SIGLEC9: variants seen among roughly 807,000 people sequenced by gnomAD.
SIGLEC9 encodes sialic acid binding Ig like lectin 9.
In SIGLEC9, 26 loss-of-function variants were observed where a neutral mutation model predicts 38.3. The observed-to-expected ratio is 0.68, with a 90% confidence interval of 0.50 to 0.94. SIGLEC9 has a LOEUF of 0.94. SIGLEC9 is among the 40% of genes least tolerant of loss of function. The pLI is 0.00. For missense variants in SIGLEC9, 556 were observed against 585.7 expected, an observed-to-expected ratio of 0.95 and a Z score of 0.52; for synonymous variants, 236 against 248.0, an observed-to-expected ratio of 0.95 and a Z score of 0.45.
upstream of SIGLEC9, among the ~76,000 whole-genome samples, chr19:51,123,962 T>C (rs531710723): frequency 2.0e-5 from 3 of 152,188 alleles, no homozygotes; most frequent in South Asian, 6.2e-4. Flanking sequence ...GGGGCTGGTG[T>C]CCTCACTCCA....
chr19:51,134,291 C>T (rs377418856), downstream of SIGLEC9, among the ~76,000 whole-genome samples: 82 of 151,138 alleles, frequency 5.4e-4, 4 homozygotes, highest in South Asian at 8.4e-4. Context: ...ATTACAGGCA[C>T]GGGCCACCAT....
chr19:51,127,681 T>TA, intron 4 of SIGLEC9, among the ~76,000 whole-genome samples: 1 of 151,996 alleles, frequency 6.6e-6, no homozygotes, highest in Non-Finnish European at 1.5e-5. Flanking sequence ...AATAATCTTT[T>TA]AAAAAAAGTA....
downstream of SIGLEC9, among the ~76,000 whole-genome samples, chr19:51,131,590 A>AAAATAAAT (rs1187232159): frequency 1.0e-4 from 15 of 150,660 alleles, no homozygotes; most frequent in Admixed American, 2.0e-4. Context: ...CGTCTCAAAA[A>AAAATAAAT]AAATAAATAA....
Position 51,130,203 on chromosome 19 carries a change from A to C in SIGLEC9, c.*124A>C, listed in dbSNP as rs1186141727. On this transcript the variant is annotated 3_prime_UTR_variant, in exon 7 of 7. Coordinates refer to ENST00000250360, the MANE Select transcript of SIGLEC9 (RefSeq NM_014441.3). ...ATGAGCTATGATAACACTATGAATT[A>C]TGTGCAGAGTGAAAAGCACACAGGC... The C allele has an allele frequency of 7.1e-7, 1 of 1,417,960 alleles. No individual in the cohort carries two copies. The highest frequency in any genetic ancestry group is 9.2e-7 in the Non-Finnish European group (1 of 1,087,430). The allele number at this position is 1,417,960 out of a possible 1,614,324, so 87.8% of individuals were successfully genotyped here. A position where few individuals can be genotyped will look rare whatever the true frequency, so the allele number is the denominator to read the frequency against.
chr19:51,131,883 T>G (rs2092017389), downstream of SIGLEC9, among the ~76,000 whole-genome samples: 1 of 150,986 alleles, frequency 6.6e-6, no homozygotes, highest in African/African-American at 2.4e-5. Context: ...GCCATTGCAC[T>G]CTAGCCTGGG....
downstream of SIGLEC9, among the ~76,000 whole-genome samples, chr19:51,133,998 A>G (rs184043236): frequency 1.2e-3 from 186 of 152,270 alleles, no homozygotes; most frequent in African/African-American, 4.1e-3. Context: ...AGTTTCACTT[A>G]TATGAAGTTC....
At chr19:51,135,491 T>C (rs2092037249) in intron 6 of SIGLEC9, among the ~76,000 whole-genome samples, 1 of 152,186 alleles carries the variant, frequency 6.6e-6, no homozygotes, top group Non-Finnish European at 1.5e-5. Context: ...GCCTCTTCCT[T>C]TTAGCTGCAT....
downstream of SIGLEC9, among the ~76,000 whole-genome samples, chr19:51,132,644 G>C (rs1009369197): frequency 6.6e-6 from 1 of 152,190 alleles, no homozygotes; most frequent in African/African-American, 2.4e-5. Context: ...AGATGCTGCT[G>C]CCGCCGCATC....
At chr19:51,129,241 T>C (rs1393819524) in intron 6 of SIGLEC9, among the ~76,000 whole-genome samples, 4 of 151,056 alleles carry the variant, frequency 2.6e-5, no homozygotes, top group African/African-American at 7.3e-5. Flanking sequence ...TCACTGCAAC[T>C]TCCACCTTCC....
upstream of SIGLEC9, among the ~76,000 whole-genome samples, chr19:51,124,579 T>TCATG (rs2091963368): frequency 6.6e-6 from 1 of 152,080 alleles, no homozygotes; most frequent in Non-Finnish European, 1.5e-5. Flanking sequence ...GTCCCACCTC[T>TCATG]GAGCTACGCA....
chr19:51,125,007 G>T lies in SIGLEC9; in HGVS notation c.33G>T (p.Gly11=). 1 of 1,611,378 alleles carries T rather than the reference G, an allele frequency of 6.2e-7. No individual in the cohort carries two copies. The highest frequency in any genetic ancestry group is 8.5e-7 in the Non-Finnish European group (1 of 1,178,246). Reference sequence around the variant, plus strand: ...TGCTGCTGCTGCCCCTGCTCTGGGGGAGGGAGAGGGCGGAAGGACAGACAA... The same window carrying T: ...TGCTGCTGCTGCCCCTGCTCTGGGGTAGGGAGAGGGCGGAAGGACAGACAA... MLLLLLPLLW[G]RERAEGQTSK... is the part of the protein sequence containing the mutation. Residue 11 remains glycine (G), a synonymous_variant, in exon 1 of 7, where the codon GGG becomes GGT. Coordinates refer to ENST00000250360, the MANE Select transcript of SIGLEC9 (RefSeq NM_014441.3).
rs747219672 is a variant in SIGLEC9, at chr19:51,128,549, G to C, written c.1203+39G>C. On this transcript the variant is annotated intron_variant, in intron 6 of 6. Transcript: ENST00000250360. ...ACTCTCCACAGCCAGCATGTAGCCT[G>C]GACACCTCCCACAGGATGACCCCCA... The C allele has an allele frequency of 8.9e-6, 14 of 1,581,356 alleles. No individual in the cohort carries two copies. The South Asian group carries it at 1.3e-4, about 15-fold the overall frequency.
chr19:51,128,016 G>A lies in SIGLEC9; in HGVS notation c.1083G>A (p.Leu361=). The part of the protein sequence containing the change: ...GGAGATALVF[L]SFCVIFVVVR... ...CTGGAGCCACAGCCCTGGTCTTCCT[G>A]TCCTTCTGCGTCATCTTCGTTGTGT... The change falls in exon 5 of 7, where the codon CTG becomes CTA. Residue 361 remains leucine, a synonymous_variant. Transcript: ENST00000250360. The A allele has an allele frequency of 6.2e-7, 1 of 1,613,874 alleles. No individual in the cohort carries two copies.
chr19:51,135,556 G>C lies in SIGLEC9; in HGVS notation c.1204-406G>C, dbSNP rs944066936. Among the ~76,000 whole-genome samples, 30 of 152,154 alleles carry C rather than the reference G, an allele frequency of 2.0e-4. 4 individuals are homozygous for C. Among genetic ancestry groups the C allele is most frequent in the Admixed American group, 1.4e-3 (22 of 15,268 alleles). On this transcript the variant is annotated intron_variant, in intron 6 of 6. Coordinates refer to the SIGLEC9 transcript ENST00000440804. ...GAAAATCTAATGACTCTGTGTCTGG[G>C]GGATGGTAATCTTGTACAGTATCTT...
intron 1 of SIGLEC9, 81 bp downstream of exon 1, chr19:51,125,476 AG>A (rs1172585941): frequency 9.0e-6 from 14 of 1,548,258 alleles, no homozygotes; most frequent in Non-Finnish European, 1.2e-5. Context: ...CCCCTGCCCC[AG>A]GAGAGGGCTT....
chr19:51,132,263 C>G (rs1205231818), downstream of SIGLEC9, among the ~76,000 whole-genome samples: 2 of 152,188 alleles, frequency 1.3e-5, no homozygotes, highest in South Asian at 2.1e-4. Flanking sequence ...TCACCAGAAG[C>G]AAAGGCTGGT....
upstream of SIGLEC9, chr19:51,120,844 T>TA (rs2090998107): frequency 1.4e-5 from 2 of 141,330 alleles, no homozygotes; most frequent in South Asian, 2.0e-4. This position sits in a 1 kb window ranked among gnomAD's most constrained non-coding sequence, Gnocchi z 4.1. Context: ...AATCAGGAAT[T>TA]CTTTTTTTTT....
Position 51,126,984 on chromosome 19 carries a change from C to G in SIGLEC9, c.749-46C>G, listed in dbSNP as rs756481006. On this transcript the variant is annotated intron_variant, in intron 3 of 6. Coordinates refer to ENST00000250360, the MANE Select transcript of SIGLEC9 (RefSeq NM_014441.3). ...GTCTCTTTCTGTATCCTTCCTTTTTCTCCAGATCTATGTATCTCTCTGACC... is the reference window on the plus strand; with the variant it reads ...GTCTCTTTCTGTATCCTTCCTTTTTGTCCAGATCTATGTATCTCTCTGACC... The G allele has an allele frequency of 1.1e-5, 17 of 1,567,430 alleles. No homozygotes were observed. The Admixed American group carries it at 2.1e-4, about 19-fold the overall frequency.
In SIGLEC9 at chr19:51,128,576, G is replaced by A. The variant is rs956011098; in HGVS notation, c.1203+66G>A. 9.6e-6 allele frequency: 14 copies of A among 1,452,518 alleles called. No homozygotes were observed. The Middle Eastern group carries it at 5.3e-4, about 55-fold the overall frequency. 90.0% of individuals were successfully genotyped at this position (1,452,518 alleles called of 1,614,324 possible). On this transcript the variant is annotated intron_variant, in intron 6 of 6. Coordinates refer to ENST00000250360, the MANE Select transcript of SIGLEC9 (RefSeq NM_014441.3). ...ACACCTCCCACAGGATGACCCCCAGGACTAATCAGCTGGGCGTAGCCAAAG... is the reference window on the plus strand; with the variant it reads ...ACACCTCCCACAGGATGACCCCCAGAACTAATCAGCTGGGCGTAGCCAAAG...
Sources: allele counts gnomAD v4.1 joint callset (sites outside exome capture counted in the v4.1 genomes callset), GRCh38; gene constraint gnomAD v4.1.1; non-coding constraint Gnocchi (gnomAD v3.1); transcripts MANE v1.5; gene names NCBI Gene and HGNC (gene_info 2026-07-23, HGNC 2026-07-21).